The following SNTB1 variants were observed in gnomAD, a reference collection of about 807,000 sequenced individuals.
The protein encoded by SNTB1 is beta-1-syntrophin.
SNTB1 carries 36 observed loss-of-function variants against 48.9 expected under a neutral mutation model. The ratio of observed to expected loss-of-function variants is 0.74; its 90% CI spans 0.56 to 0.97. SNTB1 has a LOEUF of 0.97. Among genes scored for constraint, SNTB1 ranks in the 50% least tolerant of loss-of-function variants. SNTB1 has a pLI of 0.00. For missense variants in SNTB1, 786 were observed against 703.4 expected, an observed-to-expected ratio of 1.12 and a Z score of -1.33; for synonymous variants, 299 against 294.6, an observed-to-expected ratio of 1.01 and a Z score of -0.15.
chr8:120,736,244 T>C (rs1818942297), intron 1 of SNTB1, among the ~76,000 whole-genome samples: 1 of 152,110 alleles, frequency 6.6e-6, no homozygotes, highest in South Asian at 2.1e-4. Context: ...CACGTGGGGA[T>C]TATGGGGATT....
chr8:120,643,089 G>A (rs966206162), intron 2 of SNTB1, among the ~76,000 whole-genome samples: 4 of 152,184 alleles, frequency 2.6e-5, no homozygotes, highest in African/African-American at 9.6e-5. Context: ...CCACTTCTAA[G>A]ATGGCTCCCT....
chr8:120,697,706 C>T (rs1244395933), intron 1 of SNTB1, among the ~76,000 whole-genome samples: 1 of 152,110 alleles, frequency 6.6e-6, no homozygotes, highest in Non-Finnish European at 1.5e-5. Flanking sequence ...AACAACGTAC[C>T]ATGTGCAAGA....
At chr8:120,678,773 CTT>C (rs568708900) in intron 2 of SNTB1, among the ~76,000 whole-genome samples, 3 of 146,654 alleles carry the variant, frequency 2.0e-5, no homozygotes, top group African/African-American at 2.5e-5. Context: ...AATTTTGTGA[CTT>C]TTTTTTTTTG....
intron 3 of SNTB1, among the ~76,000 whole-genome samples, chr8:120,586,450 G>GA (rs1816141936): frequency 6.6e-6 from 1 of 152,032 alleles, no homozygotes; most frequent in Non-Finnish European, 1.5e-5. Context: ...CTGCTTCCGG[G>GA]TCCCCCACAT....
intron 1 of SNTB1, among the ~76,000 whole-genome samples, chr8:120,750,284 G>A (rs1352466345): frequency 6.6e-6 from 1 of 152,012 alleles, no homozygotes. Flanking sequence ...AGCTCAACAA[G>A]TATCTTGAAT....
intron 3 of SNTB1, among the ~76,000 whole-genome samples, chr8:120,604,020 G>C (rs1427519233): frequency 5.9e-5 from 9 of 152,228 alleles, no homozygotes. Context: ...CCATACCCAG[G>C]TGTCTGCGAG....
At chr8:120,614,209 A>G (rs1816670990) in intron 3 of SNTB1, among the ~76,000 whole-genome samples, 1 of 152,186 alleles carries the variant, frequency 6.6e-6, no homozygotes, top group Non-Finnish European at 1.5e-5. Flanking sequence ...CGGTTTTCTC[A>G]TCTGTAATAT....
At chr8:120,607,966 C>T (rs962887393) in intron 3 of SNTB1, among the ~76,000 whole-genome samples, 2 of 152,250 alleles carry the variant, frequency 1.3e-5, no homozygotes, top group African/African-American at 4.8e-5. Context: ...GGTCTCTGAT[C>T]ATTTACAACC....
At chr8:120,618,723 C>T (rs1366277129) in intron 3 of SNTB1, among the ~76,000 whole-genome samples, 1 of 152,174 alleles carries the variant, frequency 6.6e-6, no homozygotes, top group African/African-American at 2.4e-5. Context: ...ATTCTGGTTT[C>T]TGGCTGTTGG....
chr8:120,544,086 G>C (rs1301508329), intron 5 of SNTB1, among the ~76,000 whole-genome samples: 2 of 151,840 alleles, frequency 1.3e-5, no homozygotes. Flanking sequence ...TCCCATGACT[G>C]ACTCCATTTT....
chr8:120,602,118 T>C (rs1023229980), intron 3 of SNTB1, among the ~76,000 whole-genome samples: 11 of 152,248 alleles, frequency 7.2e-5, no homozygotes, highest in African/African-American at 2.7e-4. Flanking sequence ...AAGTTTTTGG[T>C]ACAGTCATCT....
At chr8:120,556,994 A>C (rs2130662356) in intron 4 of SNTB1, among the ~76,000 whole-genome samples, 1 of 152,350 alleles carries the variant, frequency 6.6e-6, no homozygotes, top group African/African-American at 2.4e-5. Flanking sequence ...TTCTAAGTTA[A>C]GTAACACCAG....
At chr8:120,641,092 A>G (rs1200826016) in intron 2 of SNTB1, among the ~76,000 whole-genome samples, 1 of 151,586 alleles carries the variant, frequency 6.6e-6, no homozygotes, top group African/African-American at 2.4e-5. Context: ...AATAATTACA[A>G]TCAACTGTCA....
intron 3 of SNTB1, among the ~76,000 whole-genome samples, chr8:120,588,979 T>C (rs1411883548): frequency 6.6e-6 from 1 of 152,202 alleles, no homozygotes; most frequent in African/African-American, 2.4e-5. Flanking sequence ...ACCATCATAA[T>C]GTATATACCA....
At chr8:120,664,644 A>G (rs565532449) in intron 2 of SNTB1, among the ~76,000 whole-genome samples, 24 of 152,316 alleles carry the variant, frequency 1.6e-4, no homozygotes, top group Middle Eastern at 3.4e-3. Flanking sequence ...CATTACGTGG[A>G]TACAGCACTG....
rs145090912 is a variant in SNTB1, at chr8:120,615,708, C to T, written c.996+16736G>A. ...GTTTTAAAGCAAGTCTCTTTAAGTG[C>T]AAACGTTATTTCTGCCATCTGAATA... On this transcript the variant is annotated intron_variant, in intron 3 of 6. Transcript: ENST00000517992. Among the ~76,000 whole-genome samples, 29 of 152,322 alleles carry T rather than the reference C, an allele frequency of 1.9e-4. No individual in the cohort carries two copies. In the East Asian group the frequency reaches 5.6e-3, roughly 29 times the overall value.
intron 4 of SNTB1, among the ~76,000 whole-genome samples, chr8:120,553,211 T>G (rs1252545205): frequency 1.3e-5 from 2 of 152,166 alleles, no homozygotes; most frequent in Non-Finnish European, 2.9e-5. Context: ...AAATTCTCAT[T>G]GATTAATAAA....
intron 1 of SNTB1, among the ~76,000 whole-genome samples, chr8:120,762,767 CCAGTA>C (rs1819444083): frequency 6.6e-6 from 1 of 152,082 alleles, no homozygotes; most frequent in Non-Finnish European, 1.5e-5. Flanking sequence ...ACCCCAGAAT[CCAGTA>C]CAGTGTTTAG....
At chr8:120,565,631 A>T (rs1815736372) in intron 4 of SNTB1, among the ~76,000 whole-genome samples, 1 of 152,236 alleles carries the variant, frequency 6.6e-6, no homozygotes, top group Non-Finnish European at 1.5e-5. Flanking sequence ...GGAGCTGTTG[A>T]TCACTCTGTG....
Sources: gnomAD v4.1 joint callset for allele counts (sites outside exome capture counted in the v4.1 genomes callset) on GRCh38, gnomAD v4.1.1 for gene constraint, MANE v1.5 for transcripts, NCBI Gene and HGNC (gene_info 2026-07-23, HGNC 2026-07-21) for gene names.